ADCY8: variants seen among roughly 807,000 people sequenced by gnomAD.
ADCY8 encodes adenylate cyclase type 8.
Under a neutral mutation model 119.7 loss-of-function variants are expected in ADCY8, and 51 were observed. The ratio of observed to expected loss-of-function variants is 0.43; its 90% CI spans 0.34 to 0.54. The LOEUF is 0.54. ADCY8 is among the 20% of genes least tolerant of loss of function. The pLI, the probability that ADCY8 is intolerant of heterozygous loss-of-function variation, is 0.03. For synonymous variants in ADCY8, 665 were observed against 651.0 expected (o/e 1.02, Z -0.33); for missense variants, 1,383 against 1,598.8 (o/e 0.87, Z 2.30).
intron 2 of ADCY8, among the ~76,000 whole-genome samples, chr8:130,971,075 A>G (rs545727044): frequency 6.6e-6 from 1 of 152,318 alleles, no homozygotes; most frequent in East Asian, 1.9e-4. Context: ...AGGCTAGTGA[A>G]TCTTACACCT....
At chr8:130,852,306 AC>A (rs1264889311) in intron 9 of ADCY8, among the ~76,000 whole-genome samples, 2 of 152,128 alleles carry the variant, frequency 1.3e-5, no homozygotes, top group Non-Finnish European at 2.9e-5. Context: ...GATCACCTTG[AC>A]AAGAAATCTC....
intron 2 of ADCY8, among the ~76,000 whole-genome samples, chr8:130,955,230 G>A (rs976553625): frequency 6.6e-6 from 1 of 152,134 alleles, no homozygotes; most frequent in Non-Finnish European, 1.5e-5. Flanking sequence ...GCCAGGGACT[G>A]AGTTAAGAGC....
chr8:130,920,220 G>C (rs527783695), intron 5 of ADCY8, among the ~76,000 whole-genome samples: 152 of 148,874 alleles, frequency 1.0e-3, no homozygotes, highest in African/African-American at 3.7e-3. Context: ...TAAATCCTAA[G>C]CATTTCCTAT....
chr8:130,815,884 C>T (rs1052548305), intron 13 of ADCY8, among the ~76,000 whole-genome samples: 1 of 152,218 alleles, frequency 6.6e-6, no homozygotes, highest in Non-Finnish European at 1.5e-5. Flanking sequence ...ATAGTAGGCA[C>T]TCAATACACA....
chr8:130,855,644 G>C (rs1395525463), intron 9 of ADCY8, among the ~76,000 whole-genome samples: 1 of 149,688 alleles, frequency 6.7e-6, no homozygotes, highest in Non-Finnish European at 1.5e-5. Context: ...CTCGCTTCTC[G>C]TGGAGGACAG....
rs114803727 is a variant in ADCY8 at position 130,869,935 on chromosome 8, C to T, written c.2110-1989G>A. On this transcript the variant is annotated intron_variant, in intron 8 of 17. Coordinates refer to ENST00000286355, the MANE Select transcript of ADCY8 (RefSeq NM_001115.3). ...GTACACTAAAATTCCTCCTCCTCCT[C>T]CTCCTCTTCTTCTTCTTCTTCTTCT... 9.3e-3 allele frequency among the ~76,000 whole-genome samples: 1,325 copies of T among 143,128 alleles called. 17 individuals carry two copies. The highest frequency in any genetic ancestry group is 0.034 in the African/African-American group (1,272 of 37,676). The allele number at this position is 143,128 out of a possible 152,430, so 93.9% of individuals were successfully genotyped here. A position where few individuals can be genotyped will look rare whatever the true frequency, so the allele number is the denominator to read the frequency against.
intron 9 of ADCY8, among the ~76,000 whole-genome samples, chr8:130,858,277 GT>G (rs1481830180): frequency 6.6e-6 from 1 of 152,140 alleles, no homozygotes; most frequent in Non-Finnish European, 1.5e-5. Context: ...CCCCATAGGT[GT>G]TTCTCCAGTC....
At chr8:130,932,993 A>G (rs1296614276) in intron 5 of ADCY8, among the ~76,000 whole-genome samples, 1 of 152,202 alleles carries the variant, frequency 6.6e-6, no homozygotes, top group East Asian at 1.9e-4. Flanking sequence ...TACAGTGACT[A>G]AAAATCCAAA....
At chr8:130,861,985 ATTTT>A (rs1344762179) in intron 9 of ADCY8, among the ~76,000 whole-genome samples, 1 of 152,046 alleles carries the variant, frequency 6.6e-6, no homozygotes, top group Non-Finnish European at 1.5e-5. Context: ...CTATTGTTTG[ATTTT>A]AGAATGTTGA....
At chr8:130,853,319 C>G (rs1381701460) in intron 9 of ADCY8, among the ~76,000 whole-genome samples, 2 of 152,246 alleles carry the variant, frequency 1.3e-5, no homozygotes, top group Non-Finnish European at 2.9e-5. Flanking sequence ...AACCCTGGCT[C>G]TGGCCACAGA....
intron 1 of ADCY8, among the ~76,000 whole-genome samples, chr8:131,029,081 C>G (rs1823912244): frequency 6.6e-6 from 1 of 152,208 alleles, no homozygotes; most frequent in African/African-American, 2.4e-5. Context: ...CGCCTGAGCT[C>G]TGCCTCCTGT....
chr8:130,853,588 T>C (rs72712480), intron 9 of ADCY8, among the ~76,000 whole-genome samples: 1 of 146,756 alleles, frequency 6.8e-6, no homozygotes, highest in Non-Finnish European at 1.5e-5. Context: ...TTTTTTTTTT[T>C]TTTTTTTCTC....
chr8:130,936,930 A>C, intron 5 of ADCY8, 143 bp downstream of exon 5: 1 of 1,004,104 alleles, frequency 1.0e-6, no homozygotes, highest in Non-Finnish European at 1.4e-6. Context: ...ATATGGGAGA[A>C]CTAAGGGGCA....
At chr8:130,914,204 C>T (rs1007233167) in intron 5 of ADCY8, among the ~76,000 whole-genome samples, 1 of 152,164 alleles carries the variant, frequency 6.6e-6, no homozygotes, top group Admixed American at 6.5e-5. Context: ...TAATCTGACC[C>T]TGAGTTTCCA....
intron 5 of ADCY8, among the ~76,000 whole-genome samples, chr8:130,926,960 T>G (rs6993359): frequency 6.9e-6 from 1 of 144,058 alleles, no homozygotes; most frequent in Non-Finnish European, 1.5e-5. Flanking sequence ...TATATATATA[T>G]ACACACACCA....
At chr8:130,865,795 T>C (rs1457931248) in intron 9 of ADCY8, among the ~76,000 whole-genome samples, 6 of 152,120 alleles carry the variant, frequency 3.9e-5, no homozygotes, top group Admixed American at 2.0e-4. Context: ...TGATTTTGAT[T>C]TCACTCACAC....
At chr8:130,845,262 A>G (rs1031103671) in intron 11 of ADCY8, among the ~76,000 whole-genome samples, 3 of 152,166 alleles carry the variant, frequency 2.0e-5, no homozygotes, top group African/African-American at 4.8e-5. Flanking sequence ...AGGGTATACA[A>G]TATTAATTCA....
At chr8:130,964,309 A>T (rs1362562124) in intron 2 of ADCY8, among the ~76,000 whole-genome samples, 1 of 152,216 alleles carries the variant, frequency 6.6e-6, no homozygotes, top group Non-Finnish European at 1.5e-5. Flanking sequence ...AAAGGTTCCC[A>T]GATGGTAAAC....
intron 4 of ADCY8, among the ~76,000 whole-genome samples, chr8:130,941,037 GAA>G (rs1820939841): frequency 6.6e-6 from 1 of 152,112 alleles, no homozygotes; most frequent in Non-Finnish European, 1.5e-5. Context: ...CAATACAAAT[GAA>G]AAAGACTCTC....
Sources: gnomAD v4.1 joint callset for allele counts (sites outside exome capture counted in the v4.1 genomes callset) on GRCh38, gnomAD v4.1.1 for gene constraint, MANE v1.5 for transcripts, NCBI Gene and HGNC (gene_info 2026-07-23, HGNC 2026-07-21) for gene names.